The following SLC9C2 variants were observed in gnomAD, a reference collection of about 807,000 sequenced individuals.
SLC9C2 encodes sodium/hydrogen exchanger 11.
SLC9C2 carries 75 observed loss-of-function variants against 140.2 expected under a neutral mutation model. The ratio of observed to expected loss-of-function variants is 0.53; its 90% CI spans 0.44 to 0.65. SLC9C2 has a LOEUF of 0.65. Ranked by LOEUF, SLC9C2 falls within the 30% of genes least tolerant of loss-of-function variation. The pLI, the probability that SLC9C2 is intolerant of heterozygous loss-of-function variation, is 0.00. For synonymous variants in SLC9C2, 375 were observed against 420.9 expected (o/e 0.89, Z 1.34); for missense variants, 1,074 against 1,331.8 (o/e 0.81, Z 3.01).
intron 9 of SLC9C2, among the ~76,000 whole-genome samples, chr1:173,558,611 A>C (rs1663877881): frequency 6.6e-6 from 1 of 152,216 alleles, no homozygotes; most frequent in African/African-American, 2.4e-5. Flanking sequence ...ATTCAATTAA[A>C]TAAGGCAATA....
chr1:173,569,431 C>T (rs1280959341), intron 9 of SLC9C2, among the ~76,000 whole-genome samples: 2 of 151,974 alleles, frequency 1.3e-5, no homozygotes, highest in African/African-American at 4.8e-5. Context: ...AGGTAGCCTT[C>T]TTTGGGTTAA....
At chr1:173,521,430 A>C in intron 21 of SLC9C2, 31 bp from the exon 22 acceptor site, 1 of 1,220,942 alleles carries the variant, frequency 8.2e-7, no homozygotes. Flanking sequence ...CGAAAAGAAA[A>C]AGAGAGTCAA....
At chr1:173,563,923 T>C (rs748322495) in intron 9 of SLC9C2, among the ~76,000 whole-genome samples, 22 of 152,200 alleles carry the variant, frequency 1.4e-4, no homozygotes, top group Non-Finnish European at 3.1e-4. Flanking sequence ...GTTTTAATTT[T>C]TACATCCCAC....
chr1:173,557,285 G>T (rs1320770917), intron 10 of SLC9C2, 55 bp downstream of exon 10: 20 of 1,529,820 alleles, frequency 1.3e-5, no homozygotes, highest in Non-Finnish European at 1.7e-5. Context: ...TGACAAGTGG[G>T]CAAGATAAGT....
intron 9 of SLC9C2, among the ~76,000 whole-genome samples, chr1:173,569,402 T>C (rs1249674991): frequency 1.3e-5 from 2 of 152,066 alleles, no homozygotes; most frequent in Non-Finnish European, 2.9e-5. Context: ...CTTTGGCAGT[T>C]TGATTATTAA....
chr1:173,588,625 T>C (rs1571624824), intron 4 of SLC9C2, among the ~76,000 whole-genome samples: 1 of 152,040 alleles, frequency 6.6e-6, no homozygotes, highest in Admixed American at 6.5e-5. Context: ...CACAACTTGA[T>C]CATGTTTTTA....
chr1:173,583,539 G>A lies in SLC9C2; in HGVS notation c.607C>T (p.Arg203Trp), dbSNP rs867737971. 1.2e-5 allele frequency: 19 copies of A among 1,609,736 alleles called. No homozygotes were observed. The highest frequency in any genetic ancestry group is 3.3e-5 in the South Asian group (3 of 90,132). Reference sequence around the variant, plus strand: ...ATAGAAAAGTGGATTCTGTTGCCCCGAAAATTTCCAAAAAAAATTGATGCG... The same window carrying A: ...ATAGAAAAGTGGATTCTGTTGCCCCAAAAATTTCCAAAAAAAATTGATGCG... ...SIASIFFGNF[R>W]GNRIHFSIFR... is the part of the protein sequence containing the mutation. The change falls in exon 6 of 28, where the codon CGG (arginine) becomes TGG (tryptophan). Residue 203 changes from arginine (R) to tryptophan (W), a missense_variant. By Grantham distance (101) the Arg-to-Trp change is moderately radical (BLOSUM62 -3). Coordinates refer to ENST00000367714, the MANE Select transcript of SLC9C2 (RefSeq NM_178527.4).
Position 173,500,464 on chromosome 1 carries a change from T to C in SLC9C2, c.*630A>G, listed in dbSNP as rs899668704. The C allele has an allele frequency of 2.6e-5, 4 of 152,192 alleles. No individual in the cohort carries two copies. The highest frequency in any genetic ancestry group is 1.9e-4 in the East Asian group (1 of 5,184). 9.4% of individuals were successfully genotyped at this position (152,192 alleles called of 1,614,324 possible). On this transcript the variant is annotated 3_prime_UTR_variant, in exon 28 of 28. Coordinates refer to ENST00000367714, the MANE Select transcript of SLC9C2 (RefSeq NM_178527.4). ...AGGAATAATGGGTTCTAATAATAAA[T>C]AGACAACCATAAAACTCAACTTTAT...
At chr1:173,521,438 C>T in intron 21 of SLC9C2, 39 bp from the exon 22 acceptor site, 1 of 1,077,816 alleles carries the variant, frequency 9.3e-7, no homozygotes, top group Non-Finnish European at 1.3e-6. Context: ...AAAAGAGAGT[C>T]AACACAAAAG....
rs79070975 is a variant in SLC9C2 at position 173,559,052 on chromosome 1, T to C, written c.1047-1544A>G. Among the ~76,000 whole-genome samples the C allele has an allele frequency of 5.9e-5, 9 of 152,326 alleles. No homozygotes were observed. In the East Asian group the frequency reaches 1.7e-3, roughly 29 times the overall value. On this transcript the variant is annotated intron_variant, in intron 9 of 27. Coordinates refer to ENST00000367714, the MANE Select transcript of SLC9C2 (RefSeq NM_178527.4). ...TTGTTATGAAGATGAAATGAGATAA[T>C]GGATGTGTACCTGAGTCAAACATTG...
intron 9 of SLC9C2, among the ~76,000 whole-genome samples, chr1:173,560,992 C>G (rs1385240137): frequency 6.6e-6 from 1 of 152,062 alleles, no homozygotes; most frequent in African/African-American, 2.4e-5. Context: ...AACAGGGTTT[C>G]ACCATGTTGG....
At chr1:173,521,191 A>G (rs1279362892) in intron 22 of SLC9C2, 110 bp downstream of exon 22, 1 of 564,140 alleles carries the variant, frequency 1.8e-6, no homozygotes, top group Non-Finnish European at 2.9e-6. Flanking sequence ...TGGTTTCATC[A>G]CATTAAAAAT....
At chr1:173,559,611 A>G (rs1471042621) in intron 9 of SLC9C2, among the ~76,000 whole-genome samples, 1 of 152,218 alleles carries the variant, frequency 6.6e-6, no homozygotes, top group Non-Finnish European at 1.5e-5. Flanking sequence ...GCCCTCCAAC[A>G]TGGGCTCACT....
chr1:173,576,425 T>C lies in SLC9C2; in HGVS notation c.902+236A>G, dbSNP rs116702894. ...CAAAGTAAATTTTTGTCAGGTTACA[T>C]ATAAAAAACACCATGGTTTCTGAGC... On this transcript the variant is annotated intron_variant, in intron 8 of 27. Transcript: ENST00000367714. 3.6e-3 allele frequency among the ~76,000 whole-genome samples: 546 copies of C among 152,338 alleles called. 3 individuals carry two copies. The highest frequency in any genetic ancestry group is 0.012 in the African/African-American group (480 of 41,578).
intron 9 of SLC9C2, among the ~76,000 whole-genome samples, chr1:173,560,637 T>C (rs1664044636): frequency 1.3e-5 from 2 of 152,044 alleles, no homozygotes; most frequent in South Asian, 4.2e-4. Context: ...CCAACAACTG[T>C]CCCAACCCTC....
At chr1:173,562,610 A>G (rs957990232) in intron 9 of SLC9C2, among the ~76,000 whole-genome samples, 9 of 152,194 alleles carry the variant, frequency 5.9e-5, no homozygotes, top group African/African-American at 2.2e-4. Context: ...TACAACTACA[A>G]TGAAAATACA....
chr1:173,559,999 A>G (rs1291805993), intron 9 of SLC9C2, among the ~76,000 whole-genome samples: 2 of 152,182 alleles, frequency 1.3e-5, no homozygotes, highest in African/African-American at 2.4e-5. Context: ...GAATCTACCA[A>G]GCTTGTCTGT....
intron 27 of SLC9C2, 112 bp downstream of exon 27, chr1:173,503,154 G>T: frequency 1.4e-6 from 1 of 711,312 alleles, no homozygotes; most frequent in Non-Finnish European, 2.4e-6. Flanking sequence ...TTGTAGCTAG[G>T]AGTGTCTTTT....
At chr1:173,592,006 T>G (rs1473568160) in intron 4 of SLC9C2, among the ~76,000 whole-genome samples, 4 of 152,196 alleles carry the variant, frequency 2.6e-5, no homozygotes, top group African/African-American at 9.6e-5. Flanking sequence ...TTAGGTTTTA[T>G]GTTTAAATCT....
Sources: allele counts gnomAD v4.1 joint callset (sites outside exome capture counted in the v4.1 genomes callset), GRCh38; gene constraint gnomAD v4.1.1; transcripts MANE v1.5; gene names NCBI Gene and HGNC (gene_info 2026-07-23, HGNC 2026-07-21).